The following ERCC6 variants were observed in gnomAD, a reference collection of about 807,000 sequenced individuals.
ERCC6 encodes DNA excision repair protein ERCC-6.
A neutral mutation model predicts 158.7 loss-of-function variants in ERCC6; 116 were observed. The ratio of observed to expected loss-of-function variants is 0.73; its 90% CI spans 0.63 to 0.85. The LOEUF (loss-of-function observed/expected upper bound fraction) is 0.85. ERCC6 is among the 40% of genes least tolerant of loss of function. ERCC6 has a pLI of 0.00. For missense variants in ERCC6, 1,698 were observed against 1,799.4 expected, an observed-to-expected ratio of 0.94 and a Z score of 1.02; for synonymous variants, 678 against 659.3, an observed-to-expected ratio of 1.03 and a Z score of -0.43.
At chr10:49,537,374 A>T (rs563833311) in intron 1 of ERCC6, among the ~76,000 whole-genome samples, 1 of 151,712 alleles carries the variant, frequency 6.6e-6, no homozygotes, top group South Asian at 2.1e-4. Context: ...GAAAGAAATC[A>T]TACATTTAAC....
chr10:49,448,365 C>T, the ERCC6 span, among the ~76,000 whole-genome samples: 5 of 152,122 alleles, frequency 3.3e-5, no homozygotes, highest in Non-Finnish European at 7.4e-5. Context: ...TCAGATTCTT[C>T]AAGCATTTTT....
intron 5 of ERCC6, among the ~76,000 whole-genome samples, chr10:49,514,180 T>C (rs1836883838): frequency 6.6e-6 from 1 of 152,188 alleles, no homozygotes; most frequent in Admixed American, 6.5e-5. Context: ...ATTGCCTTCA[T>C]TTTTGTACAA....
chr10:49,535,341 A>G (rs1837571550), intron 1 of ERCC6, among the ~76,000 whole-genome samples: 1 of 152,242 alleles, frequency 6.6e-6, no homozygotes, highest in Non-Finnish European at 1.5e-5. Flanking sequence ...CAGCAGAGTG[A>G]GCAGTTCCAG....
At chr10:49,500,751 A>C (rs1475343017) in intron 6 of ERCC6, 55 bp from the exon 7 acceptor site, 1 of 1,580,132 alleles carries the variant, frequency 6.3e-7, no homozygotes, top group Non-Finnish European at 8.7e-7. Context: ...TGGATAATAC[A>C]GATCATAACA....
the ERCC6 span, among the ~76,000 whole-genome samples, chr10:49,441,342 A>G: frequency 6.6e-6 from 1 of 152,208 alleles, no homozygotes; most frequent in Middle Eastern, 3.2e-3. Flanking sequence ...GCGTCTTTCT[A>G]TGGAGGCCGA....
intron 8 of ERCC6, among the ~76,000 whole-genome samples, chr10:49,486,182 T>A (rs1272926237): frequency 6.6e-6 from 1 of 152,082 alleles, no homozygotes; most frequent in Non-Finnish European, 1.5e-5. Flanking sequence ...AAATGACACA[T>A]CCACAGCCTA....
intron 12 of ERCC6, 95 bp downstream of exon 12, chr10:49,476,120 T>C (rs1026381020): frequency 1.9e-5 from 17 of 886,176 alleles, no homozygotes; most frequent in Non-Finnish European, 2.8e-5. Flanking sequence ...TGACAGTACG[T>C]GAAAAGCCTG....
At chr10:49,472,072 C>T (rs887282472) in intron 16 of ERCC6, among the ~76,000 whole-genome samples, 1 of 152,136 alleles carries the variant, frequency 6.6e-6, no homozygotes, top group Non-Finnish European at 1.5e-5. Flanking sequence ...TTTCTGAAGG[C>T]AACACACCAT....
At chr10:49,436,308 C>A in the ERCC6 span, among the ~76,000 whole-genome samples, 553 of 152,098 alleles carry the variant, frequency 3.6e-3, 4 homozygotes, top group African/African-American at 0.012. Context: ...AAAGACACAG[C>A]AAACACTAGC....
chr10:49,449,328 T>G (rs1378972636), downstream of ERCC6, among the ~76,000 whole-genome samples: 2 of 152,206 alleles, frequency 1.3e-5, no homozygotes, highest in Non-Finnish European at 2.9e-5. Context: ...TTTCTGAGTC[T>G]TTATTAGATA....
intron 10 of ERCC6, among the ~76,000 whole-genome samples, chr10:49,482,407 C>T (rs1157161229): frequency 6.6e-6 from 1 of 152,122 alleles, no homozygotes; most frequent in East Asian, 1.9e-4. Context: ...TTTTAAACAT[C>T]CCAGGAACAA....
chr10:49,494,365 A>C (rs1032555574), intron 7 of ERCC6, among the ~76,000 whole-genome samples: 2 of 152,276 alleles, frequency 1.3e-5, no homozygotes, highest in African/African-American at 2.4e-5. Context: ...ATAAGATGGA[A>C]TATCATATAA....
intron 6 of ERCC6, chr10:49,501,303 T>A (rs1472831929): frequency 6.5e-6 from 1 of 152,762 alleles, no homozygotes; most frequent in African/African-American, 2.4e-5. Flanking sequence ...TACTAGCAGA[T>A]GCAAAAAAAA....
At position 49,524,620 on chromosome 10, in the gene ERCC6, G is replaced by A. The variant is rs560893826; in HGVS notation, c.810C>T (p.Gly270=). Residue 270 remains glycine, a synonymous_variant, in exon 5 of 21, where the codon GGC becomes GGT. Coordinates refer to ENST00000355832, the MANE Select transcript of ERCC6 (RefSeq NM_000124.4). ...CTTGATCTGCCAAATACTTTTCGAAGCCTGATGCTTCATTAAGCATGATTT... is the reference window on the plus strand; with the variant it reads ...CTTGATCTGCCAAATACTTTTCGAAACCTGATGCTTCATTAAGCATGATTT... ...PRKIMLNEAS[G]FEKYLADQAK... 119 of 1,614,114 alleles carry A rather than the reference G, an allele frequency of 7.4e-5. 4 individuals carry two copies. In the South Asian group the frequency reaches 1.3e-3, roughly 17 times the overall value.
chr10:49,463,087 A>G (rs1050883651), intron 18 of ERCC6, among the ~76,000 whole-genome samples: 3 of 152,236 alleles, frequency 2.0e-5, no homozygotes, highest in Admixed American at 6.5e-5. Context: ...TCTTGGGACC[A>G]GAAGTGCTTC....
intron 4 of ERCC6, 56 bp from the exon 5 acceptor site, chr10:49,524,833 A>G: frequency 3.8e-6 from 6 of 1,594,326 alleles, no homozygotes; most frequent in Non-Finnish European, 5.1e-6. Flanking sequence ...CGAGGGTACA[A>G]AAGAAATGCT....
chr10:49,513,421 T>C (rs1258470597), intron 5 of ERCC6, among the ~76,000 whole-genome samples: 1 of 152,220 alleles, frequency 6.6e-6, no homozygotes, highest in African/African-American at 2.4e-5. Context: ...ATTTTAAGTA[T>C]TTCACATTTA....
rs1486809953 is a variant in ERCC6 at position 49,530,788 on chromosome 10, G to A, written c.475C>T (p.Pro159Ser). 6.8e-6 allele frequency: 11 copies of A among 1,613,630 alleles called. No individual in the cohort carries two copies. Among genetic ancestry groups the A allele is most frequent in the African/African-American group, 1.3e-5 (1 of 74,874 alleles). Reference protein sequence around the residue: ...QINKIIEQLSPQAATSRDINR... With the variant: ...QINKIIEQLSSQAATSRDINR... ...ATGTCTCTGCTGGTGGCAGCTTGAGGGCTAAGCTGTTCAATAATTTTATTG... is the reference window on the plus strand; with the variant it reads ...ATGTCTCTGCTGGTGGCAGCTTGAGAGCTAAGCTGTTCAATAATTTTATTG... The change falls in exon 3 of 21, where the codon CCT becomes TCT. Residue 159 changes from proline to serine, a missense_variant. Physicochemically the swap from Pro to Ser is moderately conservative, Grantham distance 74 (BLOSUM62 -1). Coordinates refer to ENST00000355832, the MANE Select transcript of ERCC6 (RefSeq NM_000124.4).
downstream of ERCC6, among the ~76,000 whole-genome samples, chr10:49,450,406 A>C (rs1200546307): frequency 6.6e-6 from 1 of 152,178 alleles, no homozygotes; most frequent in African/African-American, 2.4e-5. Flanking sequence ...CTTAATTACT[A>C]TTGTTTTGTA....
Sources: allele counts gnomAD v4.1 joint callset (sites outside exome capture counted in the v4.1 genomes callset), GRCh38; gene constraint gnomAD v4.1.1; transcripts MANE v1.5; gene names NCBI Gene and HGNC (gene_info 2026-07-23, HGNC 2026-07-21).